The following ROBO2 variants were observed in gnomAD, a reference collection of about 807,000 sequenced individuals.
The protein encoded by ROBO2 is roundabout homolog 2.
Under a neutral mutation model 160.8 loss-of-function variants are expected in ROBO2, and 53 were observed. The observed-to-expected ratio is 0.33, with a 90% CI of 0.26 to 0.41. ROBO2 has a LOEUF of 0.41. Among genes scored for constraint, ROBO2 ranks in the 10% least tolerant of loss-of-function variants. ROBO2 has a pLI of 1.00. For missense variants in ROBO2, 1,577 were observed against 1,722.4 expected (o/e 0.92, Z 1.49); for synonymous variants, 664 against 611.7 (o/e 1.09, Z -1.26).
intron 2 of ROBO2, among the ~76,000 whole-genome samples, chr3:75,982,676 T>A (rs1254285821): frequency 1.3e-5 from 2 of 151,556 alleles, no homozygotes; most frequent in African/African-American, 4.8e-5. Context: ...TTGTTTTACC[T>A]AATAAATCAC....
At chr3:77,363,082 A>G (rs9869100) in intron 2 of ROBO2, among the ~76,000 whole-genome samples, 62,353 of 151,950 alleles carry the variant, frequency 0.41, 13,558 homozygotes, top group East Asian at 0.72. Flanking sequence ...TGAGGCATCA[A>G]GAACAAAAGA....
chr3:76,610,946 T>C (rs1346219270), intron 2 of ROBO2, among the ~76,000 whole-genome samples: 2 of 152,036 alleles, frequency 1.3e-5, no homozygotes, highest in Non-Finnish European at 1.5e-5. Context: ...GATAATAATT[T>C]TATTGAGTGA....
intron 2 of ROBO2, among the ~76,000 whole-genome samples, chr3:77,203,876 G>A (rs2083156098): frequency 6.6e-6 from 1 of 152,166 alleles, no homozygotes; most frequent in African/African-American, 2.4e-5. Context: ...ATGTCTTCAA[G>A]GCCACACAGC....
intron 2 of ROBO2, among the ~76,000 whole-genome samples, chr3:76,269,133 A>C (rs1707273914): frequency 6.6e-6 from 1 of 152,094 alleles, no homozygotes; most frequent in African/African-American, 2.4e-5. Context: ...ACAATATTTT[A>C]TTATACTTTT....
chr3:77,599,648 AAAAAAATAAAT>A (rs1434200294), intron 19 of ROBO2, among the ~76,000 whole-genome samples: 4 of 152,072 alleles, frequency 2.6e-5, no homozygotes, highest in Non-Finnish European at 5.9e-5. Context: ...AGAGTATAAT[AAAAAAATAAAT>A]AAAAAATAAA....
chr3:76,234,631 C>A (rs927074353), intron 2 of ROBO2, among the ~76,000 whole-genome samples: 1 of 152,064 alleles, frequency 6.6e-6, no homozygotes, highest in African/African-American at 2.4e-5. Flanking sequence ...TATTTAATTA[C>A]CGATGGACAT....
At chr3:76,746,872 T>C (rs1463444802) in intron 2 of ROBO2, among the ~76,000 whole-genome samples, 1 of 152,066 alleles carries the variant, frequency 6.6e-6, no homozygotes, top group Non-Finnish European at 1.5e-5. Context: ...GATCTTATTG[T>C]GTTCCCACTT....
chr3:77,140,622 G>A (rs984101110), intron 2 of ROBO2, among the ~76,000 whole-genome samples: 1 of 152,022 alleles, frequency 6.6e-6, no homozygotes, highest in African/African-American at 2.4e-5. Flanking sequence ...GGGTCCTAGG[G>A]TATTTGAATT....
chr3:77,466,600 A>G (rs2082785876), intron 2 of ROBO2, among the ~76,000 whole-genome samples: 3 of 152,184 alleles, frequency 2.0e-5, no homozygotes, highest in Non-Finnish European at 1.5e-5. Context: ...CATAGATATA[A>G]TTATATTTCT....
At chr3:76,738,876 G>T (rs1290685329) in intron 2 of ROBO2, among the ~76,000 whole-genome samples, 1 of 151,952 alleles carries the variant, frequency 6.6e-6, no homozygotes, top group East Asian at 1.9e-4. Flanking sequence ...CTACATGTTT[G>T]TAAGTAGTTG....
chr3:77,042,873 T>C (rs1420457303), intron 1 of ROBO2, among the ~76,000 whole-genome samples: 1 of 152,188 alleles, frequency 6.6e-6, no homozygotes, highest in Non-Finnish European at 1.5e-5. Flanking sequence ...GCAGAACTCA[T>C]AGTAATGTAG....
chr3:77,638,951 C>G (rs1447959799), intron 24 of ROBO2, among the ~76,000 whole-genome samples: 3 of 151,530 alleles, frequency 2.0e-5, no homozygotes, highest in Non-Finnish European at 4.4e-5. Flanking sequence ...CTCAGTCTCC[C>G]AAGTAGCTGG....
chr3:76,120,004 CTTCTTTCT>C (rs1006878849), intron 2 of ROBO2, among the ~76,000 whole-genome samples: 3 of 138,896 alleles, frequency 2.2e-5, no homozygotes, highest in African/African-American at 7.9e-5. Flanking sequence ...TTCTTTCTGT[CTTCTTTCT>C]TTTTGACAGA....
At chr3:75,981,942 G>A (rs948396027) in intron 2 of ROBO2, among the ~76,000 whole-genome samples, 7 of 150,616 alleles carry the variant, frequency 4.6e-5, no homozygotes, top group South Asian at 2.1e-4. Flanking sequence ...CCAGCTTCTG[G>A]TAACCACCCT....
intron 2 of ROBO2, among the ~76,000 whole-genome samples, chr3:77,146,017 T>C (rs1412176587): frequency 6.6e-6 from 1 of 152,174 alleles, no homozygotes; most frequent in Non-Finnish European, 1.5e-5. Context: ...TCCTTCCTGC[T>C]AAATGTTACA....
chr3:76,502,747 A>G (rs960571677), intron 2 of ROBO2, among the ~76,000 whole-genome samples: 18 of 152,166 alleles, frequency 1.2e-4, no homozygotes, highest in Non-Finnish European at 2.2e-4. Context: ...GATGATTTGA[A>G]CACGGTGGCA....
chr3:77,476,368 ATGTGTG>A (rs60219148), intron 2 of ROBO2, among the ~76,000 whole-genome samples: 43 of 144,216 alleles, frequency 3.0e-4, no homozygotes, highest in African/African-American at 3.6e-4. Flanking sequence ...GTCTGTGGGT[ATGTGTG>A]TGTGTGTGTG....
At chr3:75,964,844 A>G (rs993656651) in intron 2 of ROBO2, 1 of 151,870 alleles carries the variant, frequency 6.6e-6, no homozygotes, top group East Asian at 2.0e-4. Flanking sequence ...CTCAAAGTTT[A>G]TATTTTGCCA....
intron 4 of ROBO2, among the ~76,000 whole-genome samples, chr3:77,488,467 CT>C (rs2085655940): frequency 6.6e-6 from 1 of 152,212 alleles, no homozygotes; most frequent in South Asian, 2.1e-4. Context: ...AATCAGTGAC[CT>C]TGTTTTGACA....
Sources: gnomAD v4.1 joint callset for allele counts (sites outside exome capture counted in the v4.1 genomes callset) on GRCh38, gnomAD v4.1.1 for gene constraint, MANE v1.5 for transcripts, NCBI Gene and HGNC (gene_info 2026-07-23, HGNC 2026-07-21) for gene names.